Variants in TRIO observed in about 807,000 individuals in gnomAD.
TRIO encodes the protein trio Rho guanine nucleotide exchange factor, also known as triple functional domain protein.
TRIO carries 58 observed loss-of-function variants against 351.9 expected under a neutral mutation model. The observed-to-expected ratio is 0.16, with a 90% CI of 0.13 to 0.21. TRIO has a LOEUF of 0.21. TRIO is among the 10% of genes least tolerant of loss of function. TRIO has a pLI of 1.00. For synonymous variants in TRIO, 1,758 were observed against 1,595.7 expected (o/e 1.10, Z -2.42); for missense variants, 3,201 against 4,027.8 (o/e 0.79, Z 5.56).
intron 1 of TRIO, among the ~76,000 whole-genome samples, chr5:14,189,879 T>C (rs1215389068): frequency 6.6e-6 from 1 of 152,068 alleles, no homozygotes; most frequent in African/African-American, 2.4e-5. Flanking sequence ...CATCCCACCA[T>C]GCCCAGCTAA....
At chr5:14,493,526 G>A (rs1756649913) in intron 49 of TRIO, among the ~76,000 whole-genome samples, 1 of 152,174 alleles carries the variant, frequency 6.6e-6, no homozygotes, top group Non-Finnish European at 1.5e-5. Context: ...ACACATACAA[G>A]ATGCCAAACA....
chr5:14,238,705 A>C (rs934667655), intron 1 of TRIO, among the ~76,000 whole-genome samples: 1 of 152,164 alleles, frequency 6.6e-6, no homozygotes, highest in African/African-American at 2.4e-5. Context: ...AAAATCTTAC[A>C]ATGTAGGATC....
At chr5:14,343,711 A>G (rs1295689409) in intron 11 of TRIO, among the ~76,000 whole-genome samples, 1 of 152,266 alleles carries the variant, frequency 6.6e-6, no homozygotes, top group East Asian at 1.9e-4. Context: ...AGGGAAATAC[A>G]CAGAAATTAT....
At chr5:14,481,200 C>A in intron 43 of TRIO, 34 bp from the exon 44 acceptor site, 1 of 1,591,500 alleles carries the variant, frequency 6.3e-7, no homozygotes, top group Non-Finnish European at 8.5e-7. Context: ...TTGTCTTTGT[C>A]ACCATTATCA....
intron 9 of TRIO, among the ~76,000 whole-genome samples, chr5:14,324,715 A>C (rs1272324797): frequency 6.6e-6 from 1 of 152,224 alleles, no homozygotes; most frequent in Non-Finnish European, 1.5e-5. Context: ...AATAATGATT[A>C]AAGTCTGCTC....
intron 15 of TRIO, among the ~76,000 whole-genome samples, chr5:14,366,433 G>A (rs748873751): frequency 2.0e-5 from 3 of 152,146 alleles, no homozygotes; most frequent in Non-Finnish European, 2.9e-5. Flanking sequence ...AAAAGAGTTC[G>A]TGAAATAAAT....
intron 34 of TRIO, among the ~76,000 whole-genome samples, chr5:14,451,826 G>C (rs147205650): frequency 2.3e-3 from 345 of 152,362 alleles, no homozygotes; most frequent in Non-Finnish European, 3.8e-3. Context: ...GAGTTGTGCT[G>C]TATCCTGGTT....
chr5:14,434,182 T>C (rs1386437411), intron 34 of TRIO, among the ~76,000 whole-genome samples: 2 of 152,204 alleles, frequency 1.3e-5, no homozygotes, highest in African/African-American at 2.4e-5. Flanking sequence ...ACCATGACCA[T>C]ATGAGCTGCT....
chr5:14,464,503 T>G (rs1035109546), intron 36 of TRIO, among the ~76,000 whole-genome samples: 6 of 152,258 alleles, frequency 3.9e-5, no homozygotes, highest in Non-Finnish European at 8.8e-5. Flanking sequence ...AAACTTTCAC[T>G]GCAGCATTAT....
At chr5:14,488,416 C>T (rs922670663) in intron 48 of TRIO, 156 bp downstream of exon 48, 22 of 1,123,102 alleles carry the variant, frequency 2.0e-5, no homozygotes, top group African/African-American at 1.1e-4. Flanking sequence ...TCCTGCGGGC[C>T]GGCCCACGGC....
At chr5:14,404,169 A>C (rs1028575675) in intron 31 of TRIO, among the ~76,000 whole-genome samples, 1 of 151,692 alleles carries the variant, frequency 6.6e-6, no homozygotes, top group Non-Finnish European at 1.5e-5. Context: ...ACGTGATGGG[A>C]ATGGTGGTAG....
At chr5:14,466,032 A>G (rs1287699413) in intron 37 of TRIO, 1 of 241,716 alleles carries the variant, frequency 4.1e-6, no homozygotes, top group South Asian at 6.0e-5. Context: ...GCTCAGACGC[A>G]TATGGCTGAC....
At chr5:14,212,616 T>G (rs1317681961) in intron 1 of TRIO, among the ~76,000 whole-genome samples, 1 of 151,852 alleles carries the variant, frequency 6.6e-6, no homozygotes, top group African/African-American at 2.4e-5. Context: ...CTGTGGTGGG[T>G]GGGTAAGAAT....
At chr5:14,407,108 A>G (rs1748796757) in intron 33 of TRIO, among the ~76,000 whole-genome samples, 1 of 152,136 alleles carries the variant, frequency 6.6e-6, no homozygotes, top group African/African-American at 2.4e-5. Context: ...TGTTGCTTAC[A>G]GGTTCTGGGG....
rs1401002974 is a variant in TRIO at position 14,170,236 on chromosome 5, A to G, written c.157+26354A>G. 1.1e-4 allele frequency among the ~76,000 whole-genome samples: 17 copies of G among 152,284 alleles called. No individual in the cohort carries two copies. The East Asian group carries it at 3.3e-3, about 29-fold the overall frequency. ...AAAGACTTATAAAGTTCTTTGTGAGAGCTTTATAATATAGATAATATCTAG... is the reference window on the plus strand; with the variant it reads ...AAAGACTTATAAAGTTCTTTGTGAGGGCTTTATAATATAGATAATATCTAG... On this transcript the variant is annotated intron_variant, in intron 1 of 56. Transcript: ENST00000344204.
chr5:14,481,740 C>A, intron 45 of TRIO, 122 bp downstream of exon 45: 22 of 621,792 alleles, frequency 3.5e-5, no homozygotes, highest in South Asian at 4.9e-5. Flanking sequence ...GCTTCTCTCA[C>A]TTTACCTCAA....
At chr5:14,461,450 G>T in intron 35 of TRIO, 139 bp downstream of exon 35, 1 of 1,257,138 alleles carries the variant, frequency 8.0e-7, no homozygotes, top group Non-Finnish European at 1.1e-6. Context: ...TCAAGTCTCT[G>T]CTTAGCAGAC....
intron 1 of TRIO, among the ~76,000 whole-genome samples, chr5:14,254,184 C>T (rs571030481): frequency 1.9e-4 from 29 of 151,110 alleles, no homozygotes; most frequent in African/African-American, 3.7e-4. Flanking sequence ...CAATAGTTCT[C>T]CCCCCCTCCC....
intron 9 of TRIO, among the ~76,000 whole-genome samples, chr5:14,327,300 G>T (rs566755609): frequency 6.6e-6 from 1 of 152,256 alleles, no homozygotes; most frequent in South Asian, 2.1e-4. Context: ...AAGTAGCTGG[G>T]ATTACAGGTG....
Sources: gnomAD v4.1 joint callset for allele counts (sites outside exome capture counted in the v4.1 genomes callset) on GRCh38, gnomAD v4.1.1 for gene constraint, MANE v1.5 for transcripts, NCBI Gene and HGNC (gene_info 2026-07-23, HGNC 2026-07-21) for gene names.